Variants in PADI3 observed in about 807,000 individuals in gnomAD.
PADI3 encodes the protein protein-arginine deiminase type-3.
PADI3 carries 53 observed loss-of-function variants against 71.5 expected under a neutral mutation model. The ratio of observed to expected loss-of-function variants is 0.74; its 90% CI spans 0.59 to 0.93. The LOEUF (loss-of-function observed/expected upper bound fraction) is 0.93, where lower values mean the gene tolerates loss of function less well. Among genes scored for constraint, PADI3 ranks in the 40% least tolerant of loss-of-function variants. The pLI is 0.00. For synonymous variants in PADI3, 361 were observed against 347.5 expected (o/e 1.04, Z -0.43); for missense variants, 821 against 868.0 (o/e 0.95, Z 0.68).
At chr1:17,261,327 C>T (rs551684032) in intron 2 of PADI3, among the ~76,000 whole-genome samples, 117 of 152,340 alleles carry the variant, frequency 7.7e-4, no homozygotes, top group African/African-American at 2.7e-3. Flanking sequence ...CACCGAGCTG[C>T]ATGTGCCCCA....
intron 7 of PADI3, 74 bp downstream of exon 7, chr1:17,270,485 C>G: frequency 9.8e-7 from 1 of 1,019,992 alleles, no homozygotes; most frequent in Non-Finnish European, 1.4e-6. Flanking sequence ...CCCATCTCTA[C>G]AAAAAAAAAA....
rs144996869 is a variant in PADI3, at chr1:17,252,068, G to A, written c.92+2839G>A. On this transcript the variant is annotated intron_variant, in intron 1 of 15. Coordinates refer to ENST00000375460, the MANE Select transcript of PADI3 (RefSeq NM_016233.2). ...TCTTCTTGCCTTTCCATGAATTGGA[G>A]ATGACCCAGGCATGGTATGGGGGCT... Among the ~76,000 whole-genome samples, 118 of 152,338 alleles carry A rather than the reference G, an allele frequency of 7.7e-4. No individual in the cohort carries two copies. In the East Asian group the frequency reaches 9.4e-3, roughly 12 times the overall value.
rs770968941 is a variant in PADI3, at chr1:17,282,841, T to C, written c.1762-5T>C. The stretch of plus-strand genomic sequence containing the variant: ...ATGAAGTGCTGCTTCCCCTTTGGAC[T>C]GCAGGTGAACATGCTGGTGCTGGGG... On this transcript the variant is annotated splice_polypyrimidine_tract_variant and splice_region_variant and intron_variant, in intron 15 of 15. Coordinates refer to ENST00000375460, the MANE Select transcript of PADI3 (RefSeq NM_016233.2). 6.2e-7 allele frequency: 1 copy of C among 1,604,010 alleles called. No individual in the cohort carries two copies. Among genetic ancestry groups the C allele is most frequent in the Non-Finnish European group, 8.5e-7 (1 of 1,174,270 alleles).
Position 17,283,265 on chromosome 1 carries a change from G to T in PADI3, c.*186G>T, listed in dbSNP as rs2073424041. ...CCATGCCTCACCTGCAACCCATGTG[G>T]TTCTCAGACTTGAATCTTCTCGGCC... On this transcript the variant is annotated 3_prime_UTR_variant, in exon 16 of 16. Transcript: ENST00000375460. 3.5e-6 allele frequency: 2 copies of T among 578,066 alleles called. No homozygotes were observed. Among genetic ancestry groups the T allele is most frequent in the Non-Finnish European group, 6.2e-6 (2 of 323,340 alleles). 35.8% of individuals were successfully genotyped at this position (578,066 alleles called of 1,614,324 possible).
At chr1:17,249,328 C>T (rs578015000) in intron 1 of PADI3, 99 bp downstream of exon 1, 194 of 953,532 alleles carry the variant, frequency 2.0e-4, no homozygotes, top group Non-Finnish European at 1.2e-4. Context: ...GGCCCACTCC[C>T]CAGCCTTGGC....
In PADI3 at chr1:17,264,211, G is replaced by A. The variant is rs955118433; in HGVS notation, c.347-1448G>A. 2.0e-5 allele frequency among the ~76,000 whole-genome samples: 3 copies of A among 152,094 alleles called. No homozygotes were observed. The East Asian group carries it at 5.8e-4, about 29-fold the overall frequency. ...TTACTTTGCCTTTCTTTAGTTAGGA[G>A]TGAGGTTGGGCATTCCCCATCTGCA... On this transcript the variant is annotated intron_variant, in intron 3 of 15. Transcript: ENST00000375460.
In PADI3 at chr1:17,268,786, C is replaced by T. The variant is rs546206788; in HGVS notation, c.652+824C>T. On this transcript the variant is annotated intron_variant, in intron 6 of 15. Coordinates refer to ENST00000375460, the MANE Select transcript of PADI3 (RefSeq NM_016233.2). The stretch of plus-strand genomic sequence containing the variant: ...CCTCCCAAAGTGCTGGGATTATAGG[C>T]GTGAGCCACCGTGCCTGGCCGCTTA... 8.9e-4 allele frequency among the ~76,000 whole-genome samples: 135 copies of T among 151,926 alleles called. 1 individual carries two copies. Among genetic ancestry groups the T allele is most frequent in the Non-Finnish European group, 7.9e-4 (54 of 67,962 alleles).
chr1:17,278,165 G>T (rs975973307), intron 13 of PADI3, among the ~76,000 whole-genome samples: 3 of 152,230 alleles, frequency 2.0e-5, no homozygotes, highest in African/African-American at 7.2e-5. Flanking sequence ...CGGGGACAAA[G>T]AAACAACTTT....
intron 9 of PADI3, among the ~76,000 whole-genome samples, chr1:17,272,245 A>G (rs1448525949): frequency 6.6e-6 from 1 of 152,090 alleles, no homozygotes; most frequent in African/African-American, 2.4e-5. Context: ...CGGGGGTGGG[A>G]GGCAGGAGAG....
intron 13 of PADI3, among the ~76,000 whole-genome samples, chr1:17,277,260 TCTC>T (rs1438758010): frequency 2.0e-5 from 3 of 151,922 alleles, no homozygotes; most frequent in Non-Finnish European, 4.4e-5. Context: ...AATGGCGTGA[TCTC>T]CACTCACCGC....
chr1:17,282,429 A>T (rs2073413371), intron 15 of PADI3, among the ~76,000 whole-genome samples: 1 of 152,132 alleles, frequency 6.6e-6, no homozygotes. Flanking sequence ...CCATGCACAG[A>T]GACACTGACA....
At chr1:17,274,882 G>C in intron 11 of PADI3, 96 bp downstream of exon 11, 4 of 1,255,292 alleles carry the variant, frequency 3.2e-6, no homozygotes, top group Non-Finnish European at 4.4e-6. Flanking sequence ...TCCTTGAAGA[G>C]AGCCAGAAGC....
rs35532821 is a variant in PADI3 at position 17,275,271 on chromosome 1, T to TAA, written c.1307+500_1307+501dup. On this transcript the variant is annotated intron_variant, in intron 11 of 15. Coordinates refer to ENST00000375460, the MANE Select transcript of PADI3 (RefSeq NM_016233.2). ...TAACATGGTGAAACTCCGTCTCTACTAAAAAAAAAAAAAAAATTAGCCAGG... is the reference window on the plus strand; with the variant it reads ...TAACATGGTGAAACTCCGTCTCTACTAAAAAAAAAAAAAAAAAATTAGCCAGG... Among the ~76,000 whole-genome samples, 96 of 137,982 alleles carry TAA rather than the reference T, an allele frequency of 7.0e-4. 2 individuals are homozygous for TAA. Among genetic ancestry groups the TAA allele is most frequent in the Non-Finnish European group, 1.7e-4 (11 of 63,264 alleles). 90.5% of individuals were successfully genotyped at this position (137,982 alleles called of 152,430 possible). A position where few individuals can be genotyped will look rare whatever the true frequency, so the allele number is the denominator to read the frequency against.
At chr1:17,260,333 C>A (rs971875376) in intron 2 of PADI3, among the ~76,000 whole-genome samples, 1 of 152,126 alleles carries the variant, frequency 6.6e-6, no homozygotes, top group Non-Finnish European at 1.5e-5. Context: ...AAATGGGTGG[C>A]CTTTAAGCTT....
At chr1:17,268,003 G>T in intron 6 of PADI3, 41 bp downstream of exon 6, 1 of 1,611,602 alleles carries the variant, frequency 6.2e-7, no homozygotes, top group East Asian at 2.2e-5. Flanking sequence ...GTGCCCTGTT[G>T]CCAGGTTGCC....
At position 17,265,966 on chromosome 1, in the gene PADI3, C is replaced by A. The variant is rs147982370; in HGVS notation, c.408+246C>A. Among the ~76,000 whole-genome samples the A allele has an allele frequency of 1.5e-3, 226 of 152,306 alleles. 2 individuals carry two copies. The highest frequency in any genetic ancestry group is 0.01 in the Middle Eastern group (3 of 294). ...AGGCCTTGGTTTGTGGGATCAAGAC[C>A]TTCTGGACTCATAAACTAGGTCAGG... On this transcript the variant is annotated intron_variant, in intron 4 of 15. Coordinates refer to ENST00000375460, the MANE Select transcript of PADI3 (RefSeq NM_016233.2).
chr1:17,268,124 T>G (rs1035849359), intron 6 of PADI3, among the ~76,000 whole-genome samples, 162 bp downstream of exon 6: 5 of 152,344 alleles, frequency 3.3e-5, no homozygotes, highest in East Asian at 1.9e-4. Context: ...AAGTGGGGGC[T>G]TTGGAACTGA....
Position 17,271,570 on chromosome 1 carries a change from G to A in PADI3, c.1047+392G>A, listed in dbSNP as rs2073251900. ...ACAATAACATATCATCCAGTCCCAC[G>A]CCTCAGTAGTGTCGAGGCTGAGAAA... On this transcript the variant is annotated intron_variant, in intron 9 of 15. Coordinates refer to ENST00000375460, the MANE Select transcript of PADI3 (RefSeq NM_016233.2). Among the ~76,000 whole-genome samples, 5 of 152,130 alleles carry A rather than the reference G, an allele frequency of 3.3e-5. No homozygotes were observed. In the South Asian group the frequency reaches 8.3e-4, roughly 25 times the overall value.
In PADI3 at chr1:17,273,194, C is replaced by A. The variant is rs531170080; in HGVS notation, c.1048-146C>A. ...CTCCTCCAGTCAGCAGGCACCCTGA[C>A]CTCGGTCCTGTCCGCCTCCAAGCAC... On this transcript the variant is annotated intron_variant, in intron 9 of 15. Coordinates refer to ENST00000375460, the MANE Select transcript of PADI3 (RefSeq NM_016233.2). The A allele has an allele frequency of 5.3e-5, 32 of 602,732 alleles. No individual in the cohort carries two copies. In the East Asian group the frequency reaches 8.9e-4, roughly 17 times the overall value. The allele number at this position is 602,732 out of a possible 1,614,324, so 37.3% of individuals were successfully genotyped here. A position where few individuals can be genotyped will look rare whatever the true frequency, so the allele number is the denominator to read the frequency against.
Sources: gnomAD v4.1 joint callset for allele counts (sites outside exome capture counted in the v4.1 genomes callset) on GRCh38, gnomAD v4.1.1 for gene constraint, MANE v1.5 for transcripts, NCBI Gene and HGNC (gene_info 2026-07-23, HGNC 2026-07-21) for gene names.